The following XNDC1N variants were observed in gnomAD, a reference collection of about 807,000 sequenced individuals.
XNDC1N encodes the protein XRCC1 N-terminal domain containing 1, N-terminal like.
the XNDC1N span, among the ~76,000 whole-genome samples, chr11:71,911,867 C>T: frequency 6.6e-6 from 1 of 152,132 alleles, no homozygotes; most frequent in African/African-American, 2.4e-5. Flanking sequence ...GCAGCATCTG[C>T]CCCCTTCTGG....
the XNDC1N span, among the ~76,000 whole-genome samples, chr11:71,891,547 C>T: frequency 6.6e-6 from 1 of 152,058 alleles, no homozygotes; most frequent in Non-Finnish European, 1.5e-5. Context: ...ATGATCCTCT[C>T]CCGACCTGGA....
the XNDC1N span, among the ~76,000 whole-genome samples, chr11:71,902,336 C>A: frequency 6.6e-6 from 1 of 152,202 alleles, no homozygotes; most frequent in African/African-American, 2.4e-5. Context: ...GGACTACAGG[C>A]GCACGCCGCC....
At chr11:71,903,659 T>C in the XNDC1N span, 2 of 477,734 alleles carry the variant, frequency 4.2e-6, no homozygotes, top group Non-Finnish European at 7.6e-6. Flanking sequence ...TCTTTTTTTT[T>C]TTTTCCCTCA....
At chr11:71,884,057 G>T in the XNDC1N span, among the ~76,000 whole-genome samples, 2 of 152,026 alleles carry the variant, frequency 1.3e-5, no homozygotes, top group Non-Finnish European at 2.9e-5. Context: ...CATCCCCAAT[G>T]ACTTTTTTAA....
At chr11:71,894,794 G>A in the XNDC1N span, among the ~76,000 whole-genome samples, 1 of 152,206 alleles carries the variant, frequency 6.6e-6, no homozygotes, top group East Asian at 1.9e-4. Flanking sequence ...GTTGTTCAAA[G>A]TTATGTAGTT....
chr11:71,866,303 G>A, the XNDC1N span, among the ~76,000 whole-genome samples: 2 of 152,098 alleles, frequency 1.3e-5, no homozygotes, highest in Admixed American at 1.3e-4. Flanking sequence ...GGCTGTCTGT[G>A]CCTTTTGATA....
At chr11:71,867,725 A>G in the XNDC1N span, among the ~76,000 whole-genome samples, 2 of 152,228 alleles carry the variant, frequency 1.3e-5, no homozygotes, top group Non-Finnish European at 2.9e-5. Context: ...GGTTGATTTT[A>G]GAGTGTGTAC....
chr11:71,893,384 T>C, the XNDC1N span: 1 of 670,454 alleles, frequency 1.5e-6, no homozygotes, highest in Non-Finnish European at 2.8e-6. Flanking sequence ...TCCTTGTGAA[T>C]TGCTTGCATC....
the XNDC1N span, among the ~76,000 whole-genome samples, chr11:71,896,228 C>T: frequency 2.1e-3 from 317 of 152,250 alleles, no homozygotes; most frequent in African/African-American, 7.3e-3. Flanking sequence ...GCAGTGAGCC[C>T]GGACTGTGCC....
At chr11:71,902,027 A>G in the XNDC1N span, among the ~76,000 whole-genome samples, 10,457 of 151,930 alleles carry the variant, frequency 0.069, 634 homozygotes, top group African/African-American at 0.15. Flanking sequence ...TGAGTACTGT[A>G]AGAGGAACAA....
the XNDC1N span, chr11:71,928,468 G>C: frequency 1.4e-6 from 1 of 702,508 alleles, no homozygotes; most frequent in African/African-American, 1.7e-5. Context: ...CTGACCCCGA[G>C]AGCTACTCTT....
the XNDC1N span, among the ~76,000 whole-genome samples, chr11:71,867,396 G>A: frequency 6.6e-6 from 1 of 152,166 alleles, no homozygotes; most frequent in Non-Finnish European, 1.5e-5. Flanking sequence ...CAAGACCAAG[G>A]AAAACTGCTT....
chr11:71,879,735 G>C, the XNDC1N span, among the ~76,000 whole-genome samples: 5 of 152,122 alleles, frequency 3.3e-5, no homozygotes, highest in East Asian at 9.6e-4. Context: ...GTTTATCAGC[G>C]CAAGAAGAAA....
At chr11:71,896,018 C>T in the XNDC1N span, among the ~76,000 whole-genome samples, 1 of 152,316 alleles carries the variant, frequency 6.6e-6, no homozygotes, top group East Asian at 1.9e-4. Flanking sequence ...TGGCTCAGGC[C>T]TGTAATCCCA....
the XNDC1N span, among the ~76,000 whole-genome samples, chr11:71,883,943 A>T: frequency 6.6e-6 from 1 of 152,076 alleles, no homozygotes; most frequent in Non-Finnish European, 1.5e-5. Context: ...TAGCTTTTCC[A>T]CTTTTCCACC....
At chr11:71,884,610 A>T in the XNDC1N span, 3 of 1,552,900 alleles carry the variant, frequency 1.9e-6, no homozygotes, top group Non-Finnish European at 2.6e-6. Flanking sequence ...AACATGTCTT[A>T]AACTCTCTTA....
chr11:71,891,507 T>G, the XNDC1N span, among the ~76,000 whole-genome samples: 3 of 151,666 alleles, frequency 2.0e-5, no homozygotes, highest in African/African-American at 7.3e-5. Flanking sequence ...CACAAAGGGG[T>G]TGTACACACC....
the XNDC1N span, among the ~76,000 whole-genome samples, chr11:71,902,967 C>T: frequency 2.6e-5 from 4 of 152,298 alleles, no homozygotes; most frequent in East Asian, 7.7e-4. Context: ...CAGGTGTGTA[C>T]AGCAAGACGT....
chr11:71,910,726 G>A, the XNDC1N span, among the ~76,000 whole-genome samples: 125 of 152,308 alleles, frequency 8.2e-4, 1 homozygote, highest in African/African-American at 3.0e-3. Flanking sequence ...GGGTCAGAAC[G>A]AAAGCAGGTC....
Sources: allele counts gnomAD v4.1 joint callset (sites outside exome capture counted in the v4.1 genomes callset), GRCh38; gene constraint gnomAD v4.1.1; transcripts MANE v1.5; gene names NCBI Gene and HGNC (gene_info 2026-07-23, HGNC 2026-07-21).